The following HMCN1 variants were observed in gnomAD, a reference collection of about 807,000 sequenced individuals.
HMCN1 encodes the protein hemicentin 1.
HMCN1 carries 321 observed loss-of-function variants against 625.9 expected under a neutral mutation model. The ratio of observed to expected loss-of-function variants is 0.51; its 90% CI spans 0.47 to 0.56. The LOEUF (loss-of-function observed/expected upper bound fraction) is 0.56, where lower values mean the gene tolerates loss of function less well. Ranked by LOEUF, HMCN1 falls within the 20% of genes least tolerant of loss-of-function variation. The probability of loss-of-function intolerance (pLI) is 0.00; values close to 1 mark genes in which losing one functional copy is unlikely to be tolerated. For synonymous variants in HMCN1, 2,425 were observed against 2,417.6 expected (o/e 1.00, Z -0.09); for missense variants, 6,588 against 6,887.3 (o/e 0.96, Z 1.54).
intron 1 of HMCN1, among the ~76,000 whole-genome samples, chr1:185,783,834 A>G (rs1657344138): frequency 6.6e-6 from 1 of 152,172 alleles, no homozygotes; most frequent in Non-Finnish European, 1.5e-5. Flanking sequence ...CTCAGATCTC[A>G]AACTCCATGC....
chr1:185,976,638 A>G (rs1484747259), intron 15 of HMCN1, among the ~76,000 whole-genome samples: 1 of 152,142 alleles, frequency 6.6e-6, no homozygotes, highest in African/African-American at 2.4e-5. Context: ...TCCATAATTC[A>G]ACTCCATGTG....
intron 4 of HMCN1, among the ~76,000 whole-genome samples, chr1:185,879,739 C>T (rs1171301363): frequency 6.6e-6 from 1 of 151,962 alleles, no homozygotes; most frequent in Non-Finnish European, 1.5e-5. Flanking sequence ...TGGAGCAAAC[C>T]CAGTTGATGG....
chr1:185,775,564 T>C (rs1186278514), intron 1 of HMCN1, among the ~76,000 whole-genome samples: 3 of 152,210 alleles, frequency 2.0e-5, no homozygotes, highest in Non-Finnish European at 4.4e-5. Context: ...CTGGCTCCTA[T>C]GGTTTGGGAG....
At chr1:185,825,185 A>G (rs1015784690) in intron 1 of HMCN1, among the ~76,000 whole-genome samples, 2 of 152,158 alleles carry the variant, frequency 1.3e-5, no homozygotes, top group African/African-American at 4.8e-5. Context: ...GAGGAGGGGT[A>G]CTTCCAAGTG....
intron 18 of HMCN1, among the ~76,000 whole-genome samples, 173 bp from the exon 19 acceptor site, chr1:185,983,996 C>T (rs1302934084): frequency 6.6e-6 from 1 of 152,012 alleles, no homozygotes; most frequent in Non-Finnish European, 1.5e-5. Context: ...TTAAATTGTA[C>T]AATCACACTC....
intron 40 of HMCN1, among the ~76,000 whole-genome samples, chr1:186,043,839 G>A (rs570684063): frequency 1.9e-3 from 295 of 152,238 alleles, no homozygotes; most frequent in Non-Finnish European, 2.8e-3. Flanking sequence ...GGAGGCCGAG[G>A]TGGGTGGATC....
chr1:185,907,820 T>C (rs1316071823), intron 4 of HMCN1, among the ~76,000 whole-genome samples: 1 of 151,928 alleles, frequency 6.6e-6, no homozygotes, highest in Non-Finnish European at 1.5e-5. Context: ...GTGGAAGTAC[T>C]GTGAGGGCAT....
Position 185,923,644 on chromosome 1 carries a change from A to G in HMCN1, c.1276A>G (p.Ile426Val). 1.2e-6 allele frequency: 2 copies of G among 1,602,452 alleles called. No homozygotes were observed. Among genetic ancestry groups the G allele is most frequent in the Middle Eastern group, 1.7e-4 (1 of 6,038 alleles). Residue 426 changes from isoleucine to valine, a missense_variant, in exon 8 of 107, where the codon ATT (isoleucine) becomes GTT (valine). Physicochemically the swap from Ile to Val is conservative, Grantham distance 29 (BLOSUM62 3). Around this residue, in one of 3 missense-constraint regions of HMCN1, gnomAD observed 4,628 missense variants for 4,853.1 expected, o/e 0.95. Transcript: ENST00000271588. The part of the protein sequence containing the change: ...QRVSSVSFSS[I>V]VPDAPKVTMP... ...AGTATCAAGTGTTTCCTTTTCTAGT[A>G]TTGTCCCAGGTGAGACATCATTTTA...
At chr1:185,967,153 T>C (rs908863484) in intron 14 of HMCN1, among the ~76,000 whole-genome samples, 2 of 152,202 alleles carry the variant, frequency 1.3e-5, no homozygotes, top group Non-Finnish European at 2.9e-5. Context: ...TTATTTTAAA[T>C]GTCATTCAAT....
At position 186,112,826 on chromosome 1, in the gene HMCN1, G is replaced by A; in HGVS notation, c.11004G>A (p.Val3668=). The A allele has an allele frequency of 6.2e-7, 1 of 1,614,158 alleles. No individual in the cohort carries two copies. Among genetic ancestry groups the A allele is most frequent in the Non-Finnish European group, 8.5e-7 (1 of 1,180,006 alleles). ...GCTGAATCCAGGCAACACCTCGAGT[G>A]CGAATCCTATCTGGAGGGAGATACT... ...NGERLQATPR[V]RILSGGRYLQ... Residue 3668 remains valine, a synonymous_variant, in exon 72 of 107, where the codon GTG becomes GTA. Coordinates refer to ENST00000271588, the MANE Select transcript of HMCN1 (RefSeq NM_031935.3).
rs1185586558 is a variant in HMCN1, at chr1:186,090,703, A to G, written c.9728-55A>G. 1.9e-6 allele frequency: 3 copies of G among 1,589,054 alleles called. No individual in the cohort carries two copies. The East Asian group carries it at 6.7e-5, about 36-fold the overall frequency. On this transcript the variant is annotated intron_variant, in intron 63 of 106. Coordinates refer to ENST00000271588, the MANE Select transcript of HMCN1 (RefSeq NM_031935.3). The stretch of plus-strand genomic sequence containing the variant: ...TCATATTGTTTTATGACTCTGTTAC[A>G]TTAGAATTTATATCCTGTGTCTTGT...
At chr1:185,838,149 C>T (rs909584330) in intron 1 of HMCN1, among the ~76,000 whole-genome samples, 2 of 152,128 alleles carry the variant, frequency 1.3e-5, no homozygotes, top group African/African-American at 4.8e-5. Flanking sequence ...GCCTGGTTTG[C>T]CAGATTCCCC....
In HMCN1 at chr1:186,001,718, A is replaced by G. The variant is rs765870156; in HGVS notation, c.4325A>G (p.Lys1442Arg). The G allele has an allele frequency of 6.2e-7, 1 of 1,612,614 alleles. No individual in the cohort carries two copies. Among genetic ancestry groups the G allele is most frequent in the Non-Finnish European group, 8.5e-7 (1 of 1,178,916 alleles). Residue 1442 changes from lysine (K) to arginine (R), a missense_variant, in exon 28 of 107, where the codon AAG (lysine) becomes AGG (arginine). This residue lies in a region of HMCN1 where 4,628 missense variants were observed against 4,853.1 expected (regional missense o/e 0.95). Transcript: ENST00000271588. ...KAINIAGTSQ[K>R]YFNIDVLVPP... ...ATTAATATTGCAGGCACTTCTCAGA[A>G]GTACTTTAACATTGATGTGCTAGGT...
chr1:185,917,084 T>C (rs1666744650), intron 6 of HMCN1, among the ~76,000 whole-genome samples: 1 of 152,126 alleles, frequency 6.6e-6, no homozygotes, highest in Admixed American at 6.5e-5. Context: ...ACATTTCTCT[T>C]CCTAGCTCTG....
chr1:185,905,942 A>G (rs1276485442), intron 4 of HMCN1, among the ~76,000 whole-genome samples: 1 of 151,828 alleles, frequency 6.6e-6, no homozygotes. Context: ...TCAGAGAACC[A>G]TTTTTATATT....
At chr1:185,907,316 G>C (rs554139341) in intron 4 of HMCN1, among the ~76,000 whole-genome samples, 1 of 151,782 alleles carries the variant, frequency 6.6e-6, no homozygotes, top group Non-Finnish European at 1.5e-5. Flanking sequence ...CAATTCATCC[G>C]TGATGACACT....
At chr1:186,144,817 T>C (rs1393319542) in intron 91 of HMCN1, 114 bp downstream of exon 91, 23 of 1,235,366 alleles carry the variant, frequency 1.9e-5, no homozygotes, top group Non-Finnish European at 2.4e-5. Flanking sequence ...TGGTTTAGGA[T>C]GTCAGAATGT....
chr1:185,894,823 A>T (rs1343597583), intron 4 of HMCN1, among the ~76,000 whole-genome samples: 1 of 152,214 alleles, frequency 6.6e-6, no homozygotes, highest in Non-Finnish European at 1.5e-5. Flanking sequence ...GAGCTATAGG[A>T]TTCACATGAA....
intron 4 of HMCN1, among the ~76,000 whole-genome samples, chr1:185,867,156 T>C (rs1663302822): frequency 6.6e-6 from 1 of 152,210 alleles, no homozygotes. Context: ...TAGATAGATT[T>C]ATAAAATTAA....
Sources: gnomAD v4.1 joint callset for allele counts (sites outside exome capture counted in the v4.1 genomes callset) on GRCh38, gnomAD v4.1.1 for gene constraint, gnomAD v4.1.1 regional missense constraint, MANE v1.5 for transcripts, NCBI Gene and HGNC (gene_info 2026-07-23, HGNC 2026-07-21) for gene names.